The following SLIT2 variants were observed in gnomAD, a reference collection of about 807,000 sequenced individuals.
The protein encoded by SLIT2 is slit homolog 2 protein.
SLIT2 carries 41 observed loss-of-function variants against 185.7 expected under a neutral mutation model. The ratio of observed to expected loss-of-function variants is 0.22; its 90% CI spans 0.17 to 0.29. SLIT2 has a LOEUF of 0.29. SLIT2 is among the 10% of genes least tolerant of loss of function. SLIT2 has a pLI of 1.00. For synonymous variants in SLIT2, 693 were observed against 680.2 expected, an observed-to-expected ratio of 1.02 and a Z score of -0.29; for missense variants, 1,571 against 1,909.0, an observed-to-expected ratio of 0.82 and a Z score of 3.30.
rs1435028112 is a variant in SLIT2, at chr4:20,467,787, G to A, written c.431G>A (p.Arg144Lys). 2 of 1,598,558 alleles carry A rather than the reference G, an allele frequency of 1.3e-6. No homozygotes were observed. Among genetic ancestry groups the A allele is most frequent in the East Asian group, 2.2e-5 (1 of 44,490 alleles). Residue 144 changes from arginine (R) to lysine (K), a missense_variant, in exon 5 of 37, where the codon AGG (arginine) becomes AAG (lysine). Physicochemically the swap from Arg to Lys is conservative, Grantham distance 26. Transcript: ENST00000504154. The part of the protein sequence containing the change: ...LSENQIQAIP[R>K]KAFRGAVDIK... ...GAAAACCAAATTCAGGCAATCCCAA[G>A]GAAAGCTTTCCGTGGGGCAGTTGAC...
chr4:20,269,079 C>T (rs928180241), intron 4 of SLIT2, among the ~76,000 whole-genome samples, 198 bp downstream of exon 4: 4 of 151,618 alleles, frequency 2.6e-5, no homozygotes, highest in South Asian at 2.1e-4. Flanking sequence ...TAGGATTTAG[C>T]GGTTTATGTA....
intron 4 of SLIT2, among the ~76,000 whole-genome samples, chr4:20,450,012 A>C (rs1238675698): frequency 6.6e-6 from 1 of 152,196 alleles, no homozygotes; most frequent in Non-Finnish European, 1.5e-5. Flanking sequence ...CTAACTTGGC[A>C]AGAGTATAGT....
chr4:20,314,188 G>A (rs1229816705), intron 4 of SLIT2, among the ~76,000 whole-genome samples: 1 of 151,916 alleles, frequency 6.6e-6, no homozygotes, highest in East Asian at 1.9e-4. Context: ...TCTATTTTTT[G>A]CCTGTGTTAT....
chr4:20,454,234 A>G (rs1247494249), intron 4 of SLIT2, among the ~76,000 whole-genome samples: 2 of 152,290 alleles, frequency 1.3e-5, no homozygotes, highest in African/African-American at 4.8e-5. Flanking sequence ...TGTACTACGT[A>G]TAACTAGTCT....
intron 4 of SLIT2, among the ~76,000 whole-genome samples, chr4:20,275,902 A>G (rs555474211): frequency 1.2e-4 from 19 of 152,312 alleles, no homozygotes; most frequent in African/African-American, 3.8e-4. Context: ...ATGTTAGAAA[A>G]TGCTGAGTAA....
chr4:20,340,854 G>A (rs1720904142), intron 4 of SLIT2, among the ~76,000 whole-genome samples: 1 of 152,152 alleles, frequency 6.6e-6, no homozygotes, highest in Admixed American at 6.5e-5. Flanking sequence ...GCCTGCCTCG[G>A]CCTCCCAGAG....
At chr4:20,552,450 G>A (rs371979554) in intron 25 of SLIT2, 2 of 149,904 alleles carry the variant, frequency 1.3e-5, no homozygotes, top group African/African-American at 4.9e-5. Flanking sequence ...TGTGCACAAC[G>A]TGCAGGTTTG....
chr4:20,286,828 C>T (rs552847326), intron 4 of SLIT2, among the ~76,000 whole-genome samples: 14 of 152,010 alleles, frequency 9.2e-5, no homozygotes, highest in African/African-American at 3.1e-4. Flanking sequence ...GCTAAGATCA[C>T]GTCCCTTGCC....
At chr4:20,316,039 C>A (rs1311418865) in intron 4 of SLIT2, among the ~76,000 whole-genome samples, 1 of 151,984 alleles carries the variant, frequency 6.6e-6, no homozygotes, top group East Asian at 1.9e-4. Context: ...AATAAAGTCA[C>A]CTCCCTCTGG....
chr4:20,371,680 A>G (rs1176345158), intron 4 of SLIT2, among the ~76,000 whole-genome samples: 1 of 152,058 alleles, frequency 6.6e-6, no homozygotes, highest in Non-Finnish European at 1.5e-5. Flanking sequence ...CGAGAGGGAA[A>G]AATGCACTGT....
chr4:20,442,961 CT>C (rs1246666286), intron 4 of SLIT2, among the ~76,000 whole-genome samples: 2 of 151,954 alleles, frequency 1.3e-5, no homozygotes, highest in Non-Finnish European at 2.9e-5. Flanking sequence ...TAGAAAAGGG[CT>C]TTTTTCCCCC....
intron 4 of SLIT2, among the ~76,000 whole-genome samples, chr4:20,435,422 T>C (rs1362342273): frequency 6.6e-6 from 1 of 152,106 alleles, no homozygotes; most frequent in African/African-American, 2.4e-5. Context: ...ATAAAATGAG[T>C]ATGGCTAAGA....
chr4:20,374,026 A>G (rs550337150), intron 4 of SLIT2, among the ~76,000 whole-genome samples: 1 of 152,224 alleles, frequency 6.6e-6, no homozygotes, highest in East Asian at 1.9e-4. Context: ...CTAAACCAAT[A>G]CAATTTAAAC....
At chr4:20,261,591 C>G (rs1712483776) in intron 3 of SLIT2, among the ~76,000 whole-genome samples, 1 of 151,788 alleles carries the variant, frequency 6.6e-6, no homozygotes, top group Admixed American at 6.6e-5. Flanking sequence ...CAGATCATGT[C>G]AGGGTTCCAC....
intron 4 of SLIT2, among the ~76,000 whole-genome samples, chr4:20,459,132 G>GAA (rs1217761527): frequency 7.4e-6 from 1 of 135,504 alleles, no homozygotes. Flanking sequence ...TCCAGTGGGA[G>GAA]AAAAAAAAAA....
intron 3 of SLIT2, among the ~76,000 whole-genome samples, chr4:20,260,488 T>C (rs1577334260): frequency 6.6e-6 from 1 of 151,984 alleles, no homozygotes; most frequent in Non-Finnish European, 1.5e-5. Context: ...AATTTTATTC[T>C]TGTGTAATTT....
intron 4 of SLIT2, among the ~76,000 whole-genome samples, chr4:20,368,234 A>G (rs909479090): frequency 5.4e-5 from 8 of 148,238 alleles, no homozygotes; most frequent in Admixed American, 5.4e-4. Flanking sequence ...AAAAAAAAAA[A>G]GAAAAAAAAG....
At chr4:20,291,478 ATATATATATATATATTTTTTTTTTTT>A (rs1479980251) in intron 4 of SLIT2, among the ~76,000 whole-genome samples, 1 of 15,968 alleles carries the variant, frequency 6.3e-5, no homozygotes, top group African/African-American at 2.7e-4. Context: ...ATATATATAT[ATATATATATATATATTTTTTTTTTTT>A]TTTTTTTTTT....
chr4:20,364,731 G>A (rs150106229), intron 4 of SLIT2, among the ~76,000 whole-genome samples: 38 of 152,058 alleles, frequency 2.5e-4, no homozygotes, highest in African/African-American at 8.9e-4. Context: ...ATAATTACAG[G>A]CTTTGAATTT....
Sources: allele counts gnomAD v4.1 joint callset (sites outside exome capture counted in the v4.1 genomes callset), GRCh38; gene constraint gnomAD v4.1.1; transcripts MANE v1.5; gene names NCBI Gene and HGNC (gene_info 2026-07-23, HGNC 2026-07-21).